C12orf42: variants seen among roughly 807,000 people sequenced by gnomAD.
C12orf42 encodes uncharacterized protein C12orf42.
Under a neutral mutation model 21.6 loss-of-function variants are expected in C12orf42, and 25 were observed. The observed-to-expected ratio is 1.16, with a 90% CI of 0.84 to 1.62. The LOEUF (loss-of-function observed/expected upper bound fraction) is 1.62, where lower values mean the gene tolerates loss of function less well. Ranked by LOEUF, C12orf42 falls within the 40% of genes most tolerant of loss-of-function variation. The pLI is 0.00. For missense variants in C12orf42, 483 were observed against 459.3 expected (o/e 1.05, Z -0.47); for synonymous variants, 174 against 175.0 (o/e 0.99, Z 0.05).
chr12:103,131,838 A>C, the C12orf42 span, among the ~76,000 whole-genome samples: 3 of 151,988 alleles, frequency 2.0e-5, no homozygotes, highest in Non-Finnish European at 4.4e-5. Context: ...GCGTGGAGTA[A>C]TGTTATTGAT....
chr12:103,142,747 C>T, the C12orf42 span, among the ~76,000 whole-genome samples: 1 of 152,144 alleles, frequency 6.6e-6, no homozygotes, highest in South Asian at 2.1e-4. Context: ...CTATATGTCT[C>T]AAAGAGGGCT....
chr12:103,351,337 T>C (rs1483061385), intron 4 of C12orf42, among the ~76,000 whole-genome samples: 1 of 152,142 alleles, frequency 6.6e-6, no homozygotes, highest in Admixed American at 6.6e-5. Context: ...CTTCCGTTTT[T>C]TGTTTCCCAC....
chr12:103,312,326 G>A (rs916470612), intron 4 of C12orf42, among the ~76,000 whole-genome samples: 2 of 152,200 alleles, frequency 1.3e-5, no homozygotes, highest in South Asian at 2.1e-4. Flanking sequence ...ATGAAGCGAG[G>A]TGGATGCAAG....
intron 1 of C12orf42, among the ~76,000 whole-genome samples, chr12:103,481,000 T>C (rs1333955309): frequency 6.6e-6 from 1 of 151,706 alleles, no homozygotes; most frequent in African/African-American, 2.4e-5. Flanking sequence ...ACTAATGTAT[T>C]GGGTCTTTCT....
At chr12:103,200,735 T>C in the C12orf42 span, among the ~76,000 whole-genome samples, 1 of 152,238 alleles carries the variant, frequency 6.6e-6, no homozygotes, top group Non-Finnish European at 1.5e-5. Context: ...ATAACTTCTC[T>C]TAGTGGAAGT....
At chr12:103,522,410 G>T in the C12orf42 span, among the ~76,000 whole-genome samples, 2 of 152,104 alleles carry the variant, frequency 1.3e-5, no homozygotes, top group Non-Finnish European at 2.9e-5. Context: ...AATACAGCTG[G>T]GCTTTTTGTC....
intron 2 of C12orf42, among the ~76,000 whole-genome samples, chr12:103,418,593 GCTTTCTTCAGTCT>G (rs1165996575): frequency 6.6e-6 from 1 of 151,780 alleles, no homozygotes; most frequent in African/African-American, 2.4e-5. Context: ...ATGCTTTAAT[GCTTTCTTCAGTCT>G]CAAGAGGATG....
the C12orf42 span, among the ~76,000 whole-genome samples, chr12:103,154,496 T>G: frequency 2.0e-5 from 3 of 152,138 alleles, no homozygotes. Context: ...ATCAAATTTT[T>G]TTTTTCAGAA....
intron 3 of C12orf42, among the ~76,000 whole-genome samples, chr12:103,399,073 C>T (rs949811693): frequency 1.3e-5 from 2 of 151,954 alleles, no homozygotes; most frequent in Non-Finnish European, 2.9e-5. Context: ...ATGTTTTATA[C>T]ATTTTTCCAT....
intron 4 of C12orf42, among the ~76,000 whole-genome samples, chr12:103,327,170 G>T (rs1038676577): frequency 6.6e-6 from 1 of 152,156 alleles, no homozygotes. Context: ...GGTTTCTCCT[G>T]TCTGCTCCCT....
At chr12:103,074,118 C>T in the C12orf42 span, among the ~76,000 whole-genome samples, 12 of 151,922 alleles carry the variant, frequency 7.9e-5, no homozygotes, top group Non-Finnish European at 1.3e-4. Flanking sequence ...AACATGTTTA[C>T]GGGGAGTTAA....
chr12:103,381,906 G>T (rs1179034628), intron 3 of C12orf42, among the ~76,000 whole-genome samples: 1 of 126,050 alleles, frequency 7.9e-6, no homozygotes, highest in Non-Finnish European at 1.8e-5. Context: ...AACAGAGTGA[G>T]ACTCCGTCTC....
intron 3 of C12orf42, among the ~76,000 whole-genome samples, chr12:103,376,898 T>A (rs1202341521): frequency 6.6e-6 from 1 of 151,756 alleles, no homozygotes; most frequent in African/African-American, 2.4e-5. Flanking sequence ...TCTCTCTCTC[T>A]CACTCTCTCG....
the C12orf42 span, among the ~76,000 whole-genome samples, chr12:103,099,851 A>C: frequency 6.6e-6 from 1 of 152,296 alleles, no homozygotes; most frequent in South Asian, 2.1e-4. Flanking sequence ...CTATGGACTG[A>C]GCAAATATAC....
At chr12:103,201,734 G>A in the C12orf42 span, among the ~76,000 whole-genome samples, 1 of 152,102 alleles carries the variant, frequency 6.6e-6, no homozygotes, top group Non-Finnish European at 1.5e-5. Flanking sequence ...CATCTCCTTT[G>A]CAAAACTTCT....
At chr12:103,410,563 C>A (rs1263599265) in intron 2 of C12orf42, among the ~76,000 whole-genome samples, 3 of 152,166 alleles carry the variant, frequency 2.0e-5, no homozygotes, top group Admixed American at 6.5e-5. Flanking sequence ...TGGCCACAAG[C>A]AAGCCCCAGG....
chr12:103,189,205 C>G, the C12orf42 span, among the ~76,000 whole-genome samples: 2 of 152,274 alleles, frequency 1.3e-5, no homozygotes, highest in East Asian at 3.9e-4. Context: ...TGGGTCTGAG[C>G]TTTTTAGCAG....
the C12orf42 span, among the ~76,000 whole-genome samples, chr12:103,225,835 A>G: frequency 4.6e-3 from 694 of 152,276 alleles, 6 homozygotes; most frequent in African/African-American, 0.016. Context: ...GGTAGCCTCC[A>G]TATTGATTAA....
rs182245871 is a variant in C12orf42, at chr12:103,461,379, C to T, written c.78+16970G>A. Among the ~76,000 whole-genome samples the T allele has an allele frequency of 1.1e-3, 165 of 152,142 alleles. 1 individual carries two copies. Among genetic ancestry groups the T allele is most frequent in the African/African-American group, 3.5e-3 (145 of 41,490 alleles). On this transcript the variant is annotated intron_variant, in intron 2 of 5. Transcript: ENST00000548883. ...GTCCATTTTAGAGGACAGATGATGT[C>T]ATGGGCTTAGAAATTAAAGTCAGGA...
Sources: allele counts gnomAD v4.1 joint callset (sites outside exome capture counted in the v4.1 genomes callset), GRCh38; gene constraint gnomAD v4.1.1; transcripts MANE v1.5; gene names NCBI Gene and HGNC (gene_info 2026-07-23, HGNC 2026-07-21).